Variants in HDX observed in about 807,000 individuals in gnomAD.
HDX encodes the protein chromosome X open reading frame 43.
Under a neutral mutation model 45.2 loss-of-function variants are expected in HDX, and 19 were observed. That is an observed-to-expected ratio of 0.42 (90% CI 0.29 to 0.62). The LOEUF is 0.62. Among genes scored for constraint, HDX ranks in the 20% least tolerant of loss-of-function variants. HDX has a pLI of 0.20. For missense variants in HDX, 532 were observed against 493.9 expected (o/e 1.08, Z -0.73); for synonymous variants, 188 against 172.8 (o/e 1.09, Z -0.69).
chrX:84,344,425 A>G lies in HDX; in HGVS notation c.1485T>C (p.Arg495=), dbSNP rs1218550274. The part of the protein sequence containing the change: ...TWIGNRRRKY[R]LMGIEVPPPR... ...GAGGTGGAACTTCAATCCCCATTAA[A>G]CGATATTTCCTTCTTCGATTCCCAA... Residue 495 remains arginine, a synonymous_variant, in exon 7 of 11, where the codon CGT becomes CGC. Transcript: ENST00000373177. 1.7e-6 allele frequency: 2 copies of G among 1,203,769 alleles called. No individual in the cohort carries two copies. The highest frequency in any genetic ancestry group is 2.2e-5 in the Admixed American group (1 of 45,742).
rs146975639 is a variant in HDX, at chrX:84,348,266, A to G, written c.1453-3809T>C. Among the ~76,000 whole-genome samples, 32 of 111,600 alleles carry G rather than the reference A, an allele frequency of 2.9e-4. No individual in the cohort carries two copies. In the East Asian group the frequency reaches 8.8e-3, roughly 31 times the overall value. ...TCCAGTCTGCTAATGAGACCATCAA[A>G]AGCTTTCTTCATTTCAGTTACTGTT... On this transcript the variant is annotated intron_variant, in intron 6 of 10. Coordinates refer to ENST00000373177, the MANE Select transcript of HDX (RefSeq NM_001177479.2).
chrX:84,472,904 A>G (rs2040478318), intron 3 of HDX, among the ~76,000 whole-genome samples: 1 of 110,094 alleles, frequency 9.1e-6, no homozygotes, highest in Admixed American at 9.7e-5. Context: ...ATTATTATCA[A>G]AATATACCAA....
At chrX:84,362,584 C>CAG (rs1466389430) in intron 5 of HDX, among the ~76,000 whole-genome samples, 4 of 108,553 alleles carry the variant, frequency 3.7e-5, no homozygotes, top group Admixed American at 1.0e-4. Context: ...ATGAGAGAGA[C>CAG]AGAGAGAGAG....
At chrX:84,329,133 C>T (rs1017649314) in intron 9 of HDX, among the ~76,000 whole-genome samples, 2 of 111,820 alleles carry the variant, frequency 1.8e-5, no homozygotes, top group African/African-American at 6.5e-5. Context: ...TAGTAGGCTT[C>T]AGAGAGAATA....
intron 4 of HDX, among the ~76,000 whole-genome samples, chrX:84,459,949 A>C (rs1257324994): frequency 9.0e-6 from 1 of 111,386 alleles, no homozygotes; most frequent in Non-Finnish European, 1.9e-5. Flanking sequence ...AGGAACTGAA[A>C]AATTTCTAGA....
At chrX:84,486,827 A>AT (rs1173027471) in intron 2 of HDX, among the ~76,000 whole-genome samples, 1 of 109,948 alleles carries the variant, frequency 9.1e-6, no homozygotes, top group African/African-American at 3.3e-5. Context: ...ATTTTCTTTG[A>AT]TTTTATATTA....
intron 5 of HDX, among the ~76,000 whole-genome samples, chrX:84,421,792 T>C (rs1479806279): frequency 1.8e-5 from 2 of 110,970 alleles, no homozygotes; most frequent in East Asian, 5.6e-4. Flanking sequence ...AAAATAGATA[T>C]CAAGACAAAA....
At chrX:84,420,336 G>A (rs1202284811) in intron 5 of HDX, among the ~76,000 whole-genome samples, 1 of 111,688 alleles carries the variant, frequency 9.0e-6, no homozygotes. Flanking sequence ...AAAATGCAAT[G>A]GGCATACTGA....
chrX:84,480,141 A>C (rs1232275489), intron 2 of HDX, among the ~76,000 whole-genome samples: 1 of 111,629 alleles, frequency 9.0e-6, no homozygotes, highest in Non-Finnish European at 1.9e-5. Context: ...TGTATTTTTT[A>C]ACATTTCCAA....
At chrX:84,372,743 T>C (rs1046945661) in intron 5 of HDX, among the ~76,000 whole-genome samples, 5 of 111,951 alleles carry the variant, frequency 4.5e-5, no homozygotes, top group Non-Finnish European at 9.4e-5. Context: ...AGCTGTGTTC[T>C]TATCTGTGAA....
At chrX:84,460,321 C>T (rs143713906) in intron 4 of HDX, among the ~76,000 whole-genome samples, 2,910 of 111,497 alleles carry the variant, frequency 0.026, 97 homozygotes, top group African/African-American at 0.09. Context: ...ATCATAAGAA[C>T]AGATTAAAAA....
chrX:84,340,739 T>G (rs1352339183), intron 7 of HDX, among the ~76,000 whole-genome samples: 1 of 111,377 alleles, frequency 9.0e-6, no homozygotes, highest in Non-Finnish European at 1.9e-5. Context: ...GAAAATGATT[T>G]TATGCTTTTC....
rs762300529 is a variant in HDX, at chrX:84,468,135, T to G, written c.1251+337A>C. 2.7e-5 allele frequency among the ~76,000 whole-genome samples: 3 copies of G among 111,404 alleles called. No individual in the cohort carries two copies. The East Asian group carries it at 8.5e-4, about 32-fold the overall frequency. On this transcript the variant is annotated intron_variant, in intron 4 of 10. Transcript: ENST00000373177. ...ACTGAAAACCATTATAGGAATAATCTATGTTCAAGATCATGAGCCCGACCA... is the reference window on the plus strand; with the variant it reads ...ACTGAAAACCATTATAGGAATAATCGATGTTCAAGATCATGAGCCCGACCA...
intron 2 of HDX, among the ~76,000 whole-genome samples, chrX:84,481,115 TA>T (rs2040668468): frequency 1.8e-5 from 2 of 111,608 alleles, no homozygotes; most frequent in South Asian, 7.4e-4. Flanking sequence ...CTCAAAGGTA[TA>T]AGGTTGTTTA....
intron 5 of HDX, among the ~76,000 whole-genome samples, chrX:84,387,466 T>C (rs775149688): frequency 8.9e-6 from 1 of 111,902 alleles, no homozygotes; most frequent in East Asian, 2.8e-4. Context: ...TAAGTCTTTT[T>C]GTAGGCCGAG....
chrX:84,343,034 C>T (rs1008448327), intron 7 of HDX, among the ~76,000 whole-genome samples: 5 of 110,900 alleles, frequency 4.5e-5, no homozygotes, highest in Non-Finnish European at 9.5e-5. Flanking sequence ...ATATATTGCA[C>T]GATTCAATTT....
intron 9 of HDX, among the ~76,000 whole-genome samples, chrX:84,331,245 CA>C (rs1159817563): frequency 3.6e-5 from 4 of 111,268 alleles, no homozygotes; most frequent in Non-Finnish European, 3.8e-5. Context: ...GTATCTCAGT[CA>C]AAAACTCCAC....
chrX:84,440,824 G>A (rs986666987), intron 4 of HDX, among the ~76,000 whole-genome samples: 5 of 111,160 alleles, frequency 4.5e-5, no homozygotes, highest in South Asian at 3.7e-4. Context: ...CTAAGGCATT[G>A]TTGGGGGCCC....
At chrX:84,473,171 C>G (rs1264670287) in intron 3 of HDX, among the ~76,000 whole-genome samples, 1 of 106,127 alleles carries the variant, frequency 9.4e-6, no homozygotes, top group Non-Finnish European at 1.9e-5. Flanking sequence ...TTTTTTACAC[C>G]AGTATATTTA....
Sources: allele counts gnomAD v4.1 joint callset (sites outside exome capture counted in the v4.1 genomes callset), GRCh38; gene constraint gnomAD v4.1.1; transcripts MANE v1.5; gene names NCBI Gene and HGNC (gene_info 2026-07-23, HGNC 2026-07-21).